The following RHOBTB1 variants were observed in gnomAD, a reference collection of about 807,000 sequenced individuals.
RHOBTB1 encodes the protein Rho related BTB domain containing 1.
Under a neutral mutation model 71.6 loss-of-function variants are expected in RHOBTB1, and 40 were observed. The ratio of observed to expected loss-of-function variants is 0.56; its 90% CI spans 0.43 to 0.73. RHOBTB1 has a LOEUF of 0.73. RHOBTB1 is among the 30% of genes least tolerant of loss of function. The probability of loss-of-function intolerance (pLI) is 0.00; values close to 1 mark genes in which losing one functional copy is unlikely to be tolerated. For synonymous variants in RHOBTB1, 319 were observed against 334.9 expected, an observed-to-expected ratio of 0.95 and a Z score of 0.52; for missense variants, 797 against 894.0, an observed-to-expected ratio of 0.89 and a Z score of 1.38.
intron 2 of RHOBTB1, among the ~76,000 whole-genome samples, chr10:60,957,631 C>T (rs2085638795): frequency 6.6e-6 from 1 of 151,430 alleles, no homozygotes. Context: ...ATTGAAAGTG[C>T]TAAAAAGCAG....
chr10:60,888,582 C>T lies in RHOBTB1; in HGVS notation c.1086G>A (p.Glu362=). The T allele has an allele frequency of 6.2e-7, 1 of 1,614,192 alleles. No homozygotes were observed. Among genetic ancestry groups the T allele is most frequent in the Non-Finnish European group, 8.5e-7 (1 of 1,180,044 alleles). Residue 362 remains glutamate, a synonymous_variant, in exon 6 of 11, where the codon GAG becomes GAA. Transcript: ENST00000337910. ...SLVEALGLEA[E]GAVPETQTLT... ...AAGTCTGTGTCTCAGGAACTGCACC[C>T]TCGGCTTCCAGCCCCAGAGCCTCCA...
At chr10:60,871,791 G>A (rs2080799879) in intron 10 of RHOBTB1, 140 bp from the exon 11 acceptor site, 1 of 741,306 alleles carries the variant, frequency 1.3e-6, no homozygotes, top group South Asian at 1.9e-5. Context: ...ATTTGCAAAA[G>A]GTGACACTAA....
rs893115632 is a variant in RHOBTB1 at position 60,869,812 on chromosome 10, C to G, written c.*1670G>C. 6.6e-6 allele frequency: 1 copy of G among 152,552 alleles called. No homozygotes were observed. 9.4% of individuals were successfully genotyped at this position (152,552 alleles called of 1,614,324 possible). ...AAGATGGATGCATTTGTAACTATCC[C>G]TACTCTACTGCCTTCTCTTTTGTCA... is the stretch of plus-strand genomic sequence containing the variant. On this transcript the variant is annotated 3_prime_UTR_variant, in exon 11 of 11. Transcript: ENST00000337910.
the RHOBTB1 span, among the ~76,000 whole-genome samples, chr10:60,863,426 C>G: frequency 6.7e-6 from 1 of 149,372 alleles, no homozygotes; most frequent in Non-Finnish European, 1.5e-5. Flanking sequence ...CTGCTGATAG[C>G]GCACAAAACT....
At position 60,910,958 on chromosome 10, in the gene RHOBTB1, TTCA is replaced by T; in HGVS notation, c.222_224del (p.Asp74del). On this transcript the variant is annotated inframe_deletion, in exon 4 of 11. Transcript: ENST00000337910. ...CCCAAAGCCTGAGAGAAACACTCACTTCATCAACAACATCCCGAGAACGCTCCA... is the reference window on the plus strand; with the variant it reads ...CCCAAAGCCTGAGAGAAACACTCACTTCAACAACATCCCGAGAACGCTCCA... 6.2e-7 allele frequency: 1 copy of T among 1,614,064 alleles called. No individual in the cohort carries two copies. Among genetic ancestry groups the T allele is most frequent in the Non-Finnish European group, 8.5e-7 (1 of 1,180,000 alleles).
At chr10:60,903,337 G>A (rs1240326200) in intron 4 of RHOBTB1, among the ~76,000 whole-genome samples, 4 of 152,274 alleles carry the variant, frequency 2.6e-5, no homozygotes, top group South Asian at 2.1e-4. Flanking sequence ...TCAATCCAGA[G>A]AAACAAATAA....
Position 60,972,905 on chromosome 10 carries a change from T to C in RHOBTB1, c.-62+12940A>G, listed in dbSNP as rs1266987838. ...CACTTGGAGGCAAAATACCCACTGA[T>C]GTTAACAAAACTCCCCTTTTAAATA... On this transcript the variant is annotated intron_variant, in intron 2 of 11. Transcript: ENST00000357917. Among the ~76,000 whole-genome samples, 5 of 152,102 alleles carry C rather than the reference T, an allele frequency of 3.3e-5. No homozygotes were observed. In the East Asian group the frequency reaches 9.8e-4, roughly 30 times the overall value.
At chr10:60,926,876 T>G (rs1258770033) in intron 2 of RHOBTB1, among the ~76,000 whole-genome samples, 1 of 152,122 alleles carries the variant, frequency 6.6e-6, no homozygotes, top group East Asian at 1.9e-4. Context: ...GAAATTCTAG[T>G]CAGAGCAATT....
At chr10:60,984,300 A>G (rs2086593687) in intron 2 of RHOBTB1, among the ~76,000 whole-genome samples, 1 of 152,236 alleles carries the variant, frequency 6.6e-6, no homozygotes, top group Non-Finnish European at 1.5e-5. Context: ...TCACCATTAC[A>G]AATAGGAAAA....
At chr10:60,872,025 T>G in intron 10 of RHOBTB1, 160 bp downstream of exon 10, 1 of 678,620 alleles carries the variant, frequency 1.5e-6, no homozygotes, top group Non-Finnish European at 2.6e-6. Flanking sequence ...CAGCCTTCAA[T>G]TCCTTATGTC....
At chr10:60,981,631 C>T (rs1193445180) in intron 2 of RHOBTB1, among the ~76,000 whole-genome samples, 1 of 152,100 alleles carries the variant, frequency 6.6e-6, no homozygotes, top group Non-Finnish European at 1.5e-5. Flanking sequence ...TAATCAAGAT[C>T]TCATATTAAT....
At chr10:60,972,168 A>C (rs181255525) in intron 2 of RHOBTB1, among the ~76,000 whole-genome samples, 3 of 152,304 alleles carry the variant, frequency 2.0e-5, no homozygotes, top group African/African-American at 7.2e-5. Context: ...ATACCATTTG[A>C]CCCAGCAATC....
At chr10:60,865,940 T>C (rs1035109711), downstream of RHOBTB1, among the ~76,000 whole-genome samples, 63 of 152,288 alleles carry the variant, frequency 4.1e-4, no homozygotes, top group African/African-American at 1.5e-3. Context: ...CAAGCAATTT[T>C]CCTGCCTCAG....
chr10:60,887,061 G>A (rs1358312970), intron 6 of RHOBTB1, among the ~76,000 whole-genome samples: 1 of 148,514 alleles, frequency 6.7e-6, no homozygotes, highest in Non-Finnish European at 1.5e-5. Flanking sequence ...TCCCTAAATC[G>A]TATTTCATAG....
At position 60,886,107 on chromosome 10, in the gene RHOBTB1, C is replaced by A. The variant is rs764791596; in HGVS notation, c.1575+5G>T. The A allele has an allele frequency of 1.2e-6, 2 of 1,601,146 alleles. No homozygotes were observed. Among genetic ancestry groups the A allele is most frequent in the Non-Finnish European group, 1.7e-6 (2 of 1,168,208 alleles). Reference sequence around the variant, plus strand: ...ACACCACTATGCTTTTAGGAAGGCACGTACCTCACTGTTGGCACTTTCCAC... The same window carrying A: ...ACACCACTATGCTTTTAGGAAGGCAAGTACCTCACTGTTGGCACTTTCCAC... On this transcript the variant is annotated splice_donor_5th_base_variant and intron_variant, in intron 7 of 10. Transcript: ENST00000337910.
chr10:60,969,193 G>A (rs971695478), intron 2 of RHOBTB1, among the ~76,000 whole-genome samples: 2 of 152,038 alleles, frequency 1.3e-5, no homozygotes, highest in African/African-American at 2.4e-5. Context: ...GGTCTCCTAT[G>A]GAGGTCCAAA....
At chr10:60,994,577 C>G (rs1378320931) in intron 1 of RHOBTB1, among the ~76,000 whole-genome samples, 1 of 151,984 alleles carries the variant, frequency 6.6e-6, no homozygotes, top group Non-Finnish European at 1.5e-5. Flanking sequence ...TGTTTCCCTT[C>G]TCTTTTTTTA....
chr10:60,886,044 C>G, intron 7 of RHOBTB1, 68 bp downstream of exon 7: 1 of 1,190,990 alleles, frequency 8.4e-7, no homozygotes, highest in Non-Finnish European at 1.2e-6. Context: ...TGTTTACCCA[C>G]TTTATATAAA....
chr10:60,891,872 G>T (rs188390941), intron 5 of RHOBTB1, among the ~76,000 whole-genome samples: 1 of 152,262 alleles, frequency 6.6e-6, no homozygotes, highest in Admixed American at 6.5e-5. Context: ...GAGGGACCTG[G>T]TGAAAGGTAA....
Sources: allele counts gnomAD v4.1 joint callset (sites outside exome capture counted in the v4.1 genomes callset), GRCh38; gene constraint gnomAD v4.1.1; transcripts MANE v1.5; gene names NCBI Gene and HGNC (gene_info 2026-07-23, HGNC 2026-07-21).